Variants in ITPR2 observed in about 807,000 individuals in gnomAD.
ITPR2 encodes the protein inositol 1,4,5-trisphosphate-gated calcium channel ITPR2.
Under a neutral mutation model 317.1 loss-of-function variants are expected in ITPR2, and 207 were observed. The observed-to-expected ratio is 0.65, with a 90% CI of 0.58 to 0.73. The LOEUF (loss-of-function observed/expected upper bound fraction) is 0.73, where lower values mean the gene tolerates loss of function less well. ITPR2 is among the 30% of genes least tolerant of loss of function. The pLI, the probability that ITPR2 is intolerant of heterozygous loss-of-function variation, is 0.00. For missense variants in ITPR2, 2,613 were observed against 3,284.0 expected (o/e 0.80, Z 4.99); for synonymous variants, 1,156 against 1,149.1 (o/e 1.01, Z -0.12).
chr12:26,667,924 G>A (rs532523221), intron 13 of ITPR2, among the ~76,000 whole-genome samples: 1 of 137,898 alleles, frequency 7.3e-6, no homozygotes, highest in East Asian at 2.2e-4. Flanking sequence ...CAAATCACAT[G>A]TCAACCCTAC....
chr12:26,792,381 G>A (rs969472459), intron 1 of ITPR2, among the ~76,000 whole-genome samples: 3 of 151,248 alleles, frequency 2.0e-5, no homozygotes, highest in Non-Finnish European at 4.4e-5. Context: ...GATTTTAATG[G>A]TAATTGGAAT....
At chr12:26,553,154 C>T (rs1944570488) in intron 36 of ITPR2, among the ~76,000 whole-genome samples, 1 of 152,134 alleles carries the variant, frequency 6.6e-6, no homozygotes, top group Non-Finnish European at 1.5e-5. Context: ...GTTGCGTCTA[C>T]CTAAGTCAGT....
At chr12:26,508,342 C>CCTG (rs1352157523) in intron 37 of ITPR2, among the ~76,000 whole-genome samples, 7 of 152,298 alleles carry the variant, frequency 4.6e-5, no homozygotes, top group South Asian at 4.1e-4. Flanking sequence ...TGTGGCATCA[C>CCTG]TATTATACCT....
chr12:26,469,397 C>T (rs960957805), intron 45 of ITPR2, among the ~76,000 whole-genome samples: 2 of 152,120 alleles, frequency 1.3e-5, no homozygotes, highest in Non-Finnish European at 2.9e-5. Context: ...AGTTCATTGC[C>T]ACTTTCAAGC....
chr12:26,575,007 C>A (rs1364897818), intron 34 of ITPR2, among the ~76,000 whole-genome samples: 1 of 151,474 alleles, frequency 6.6e-6, no homozygotes, highest in Admixed American at 6.6e-5. Flanking sequence ...GACGTCTAAA[C>A]CATATCACAG....
intron 2 of ITPR2, among the ~76,000 whole-genome samples, chr12:26,751,694 C>T (rs1407466875): frequency 6.6e-6 from 1 of 151,778 alleles, no homozygotes; most frequent in Non-Finnish European, 1.5e-5. Flanking sequence ...GGTGAAACCC[C>T]GTCTCAACTA....
At chr12:26,698,539 T>A (rs2136996306) in intron 9 of ITPR2, among the ~76,000 whole-genome samples, 1 of 151,702 alleles carries the variant, frequency 6.6e-6, no homozygotes. Context: ...AATCAGAAAA[T>A]GAGTAGGAGT....
chr12:26,734,297 T>C (rs1949078514), intron 2 of ITPR2, among the ~76,000 whole-genome samples: 1 of 152,226 alleles, frequency 6.6e-6, no homozygotes, highest in Non-Finnish European at 1.5e-5. Context: ...CTTTAACAAA[T>C]ACATTGAGGT....
At chr12:26,398,780 A>AT (rs1371585873) in intron 54 of ITPR2, 96 bp downstream of exon 54, 1 of 1,015,996 alleles carries the variant, frequency 9.8e-7, no homozygotes, top group East Asian at 2.6e-5. Context: ...TTTTGAAATA[A>AT]TTTTTCCGAA....
chr12:26,635,101 T>C (rs1021762593), intron 21 of ITPR2, among the ~76,000 whole-genome samples: 1 of 152,186 alleles, frequency 6.6e-6, no homozygotes, highest in Non-Finnish European at 1.5e-5. Flanking sequence ...ATTGTTCCAG[T>C]GAGCCAAGCT....
intron 55 of ITPR2, among the ~76,000 whole-genome samples, chr12:26,362,152 A>G (rs1400726005): frequency 6.6e-6 from 1 of 152,150 alleles, no homozygotes; most frequent in Non-Finnish European, 1.5e-5. Context: ...CTGGGGTCAA[A>G]GTGCTAAAGC....
At chr12:26,595,264 A>T (rs772140941) in intron 32 of ITPR2, among the ~76,000 whole-genome samples, 14 of 152,262 alleles carry the variant, frequency 9.2e-5, no homozygotes, top group Non-Finnish European at 1.5e-4. Context: ...ACCTATTGTC[A>T]TCTACAATGT....
intron 55 of ITPR2, among the ~76,000 whole-genome samples, chr12:26,363,328 C>T (rs1938899409): frequency 6.6e-6 from 1 of 152,176 alleles, no homozygotes; most frequent in East Asian, 1.9e-4. Context: ...AAGCACATGG[C>T]TCCCACTGAT....
intron 11 of ITPR2, among the ~76,000 whole-genome samples, chr12:26,684,139 G>A (rs746979473): frequency 2.6e-5 from 4 of 152,222 alleles, no homozygotes; most frequent in Non-Finnish European, 5.9e-5. Context: ...AAATGCCTCT[G>A]TTTTATCACT....
At chr12:26,456,393 C>T (rs1177040406) in intron 45 of ITPR2, among the ~76,000 whole-genome samples, 1 of 152,222 alleles carries the variant, frequency 6.6e-6, no homozygotes, top group African/African-American at 2.4e-5. Context: ...CCTATGTGGT[C>T]TAAAAAGGGG....
At chr12:26,347,821 A>G (rs1938356189) in intron 55 of ITPR2, among the ~76,000 whole-genome samples, 2 of 152,248 alleles carry the variant, frequency 1.3e-5, no homozygotes, top group Non-Finnish European at 2.9e-5. Context: ...AAGTGCAGGT[A>G]CTGATAGAAA....
chr12:26,661,112 G>C (rs890951044), intron 15 of ITPR2, among the ~76,000 whole-genome samples: 1 of 151,760 alleles, frequency 6.6e-6, no homozygotes, highest in African/African-American at 2.4e-5. Flanking sequence ...ACAACAGAAA[G>C]GGAAGAAAAA....
intron 5 of ITPR2, among the ~76,000 whole-genome samples, chr12:26,717,990 T>G (rs1420983208): frequency 1.3e-5 from 2 of 152,216 alleles, no homozygotes. Context: ...TCATCCATAC[T>G]CTAAAGTACT....
At chr12:26,543,577 C>T (rs917273213) in intron 37 of ITPR2, among the ~76,000 whole-genome samples, 10 of 152,072 alleles carry the variant, frequency 6.6e-5, no homozygotes, top group African/African-American at 2.4e-4. Context: ...AGTTCAAGAC[C>T]AGCCTGACCA....
Sources: allele counts gnomAD v4.1 joint callset (sites outside exome capture counted in the v4.1 genomes callset), GRCh38; gene constraint gnomAD v4.1.1; transcripts MANE v1.5; gene names NCBI Gene and HGNC (gene_info 2026-07-23, HGNC 2026-07-21).